Variants in RBM26 observed in about 807,000 individuals in gnomAD.
RBM26 encodes RNA-binding protein 26.
A neutral mutation model predicts 123.6 loss-of-function variants in RBM26; 30 were observed. That is an observed-to-expected ratio of 0.24 (90% CI 0.18 to 0.33). The LOEUF (loss-of-function observed/expected upper bound fraction) is 0.33, where lower values mean the gene tolerates loss of function less well. Among genes scored for constraint, RBM26 ranks in the 10% least tolerant of loss-of-function variants. The probability of loss-of-function intolerance (pLI) is 1.00; values close to 1 mark genes in which losing one functional copy is unlikely to be tolerated. For missense variants in RBM26, 947 were observed against 1,203.6 expected, an observed-to-expected ratio of 0.79 and a Z score of 3.15; for synonymous variants, 400 against 404.4, an observed-to-expected ratio of 0.99 and a Z score of 0.13.
At chr13:79,324,351 C>T (rs1593905586) in intron 20 of RBM26, among the ~76,000 whole-genome samples, 1 of 151,726 alleles carries the variant, frequency 6.6e-6, no homozygotes, top group East Asian at 1.9e-4. Context: ...CTTGAATGGC[C>T]ATATATATTA....
In RBM26 at chr13:79,329,336, C is replaced by CAT. The variant is rs757585478; in HGVS notation, c.2820+5006_2820+5007dup. 1.6e-3 allele frequency among the ~76,000 whole-genome samples: 235 copies of CAT among 151,208 alleles called. 1 individual carries two copies. Among genetic ancestry groups the CAT allele is most frequent in the South Asian group, 2.3e-3 (11 of 4,768 alleles). On this transcript the variant is annotated intron_variant, in intron 20 of 21. Coordinates refer to ENST00000438737, the MANE Select transcript of RBM26 (RefSeq NM_001366735.2). ...ATACATGTGTATATATGTGCATATA[C>CAT]ATATATATATATGTATGTTTTTTTT...
chr13:79,322,417 C>A lies in RBM26; in HGVS notation c.2866G>T (p.Ala956Ser). Residue 956 changes from alanine (A) to serine (S), a missense_variant, in exon 21 of 22, where the codon GCA (alanine) becomes TCA (serine). Ala to Ser is a moderately conservative substitution (Grantham distance 99). Transcript: ENST00000438737. Reference protein sequence around the residue: ...ARFKGQDLKLAWNKPVTNISA... With the variant: ...ARFKGQDLKLSWNKPVTNISA... The stretch of plus-strand genomic sequence containing the variant: ...ATATTAGTTACTGGTTTATTCCATG[C>A]CAGTTTTAGATCTTGCCCTTTGAAA... The A allele has an allele frequency of 1.3e-6, 2 of 1,581,454 alleles. No homozygotes were observed. The highest frequency in any genetic ancestry group is 1.2e-5 in the South Asian group (1 of 85,218).
At chr13:79,347,816 T>A (rs201484074) in intron 14 of RBM26, among the ~76,000 whole-genome samples, 1 of 149,062 alleles carries the variant, frequency 6.7e-6, no homozygotes. Flanking sequence ...CTAAAAAAAA[T>A]AAAAGTGATG....
At chr13:79,327,576 G>C (rs1258081254) in intron 20 of RBM26, among the ~76,000 whole-genome samples, 2 of 151,968 alleles carry the variant, frequency 1.3e-5, no homozygotes, top group African/African-American at 2.4e-5. Context: ...AAACCCAAGA[G>C]AGCAAAATTA....
chr13:79,339,438 T>C (rs2139031966), intron 18 of RBM26, among the ~76,000 whole-genome samples: 1 of 152,178 alleles, frequency 6.6e-6, no homozygotes, highest in Middle Eastern at 3.4e-3. Context: ...ATCAAAAAAA[T>C]CACAAGTATG....
chr13:79,365,924 T>C, intron 8 of RBM26, 131 bp downstream of exon 8: 1 of 992,380 alleles, frequency 1.0e-6, no homozygotes, highest in Non-Finnish European at 1.5e-6. Context: ...GCTTATTTAA[T>C]GTTCATTCAC....
chr13:79,325,938 TA>T (rs1429466492), intron 20 of RBM26, among the ~76,000 whole-genome samples: 4 of 152,196 alleles, frequency 2.6e-5, no homozygotes, highest in Non-Finnish European at 4.4e-5. Flanking sequence ...TATGTTTGCC[TA>T]CACAAATACT....
chr13:79,313,773 C>T (rs1050755325), exon 5 of RBM26: 1 of 150,672 alleles, frequency 6.6e-6, no homozygotes, highest in African/African-American at 2.4e-5. Flanking sequence ...AGTTAATTTA[C>T]ATTATGACTG....
At chr13:79,393,036 C>G (rs2078239420) in intron 1 of RBM26, among the ~76,000 whole-genome samples, 1 of 152,114 alleles carries the variant, frequency 6.6e-6, no homozygotes, top group Admixed American at 6.5e-5. Context: ...AGTCTACAGC[C>G]ACTCATCAAC....
chr13:79,372,510 TAAGC>T (rs987683093), intron 3 of RBM26, among the ~76,000 whole-genome samples: 11 of 151,378 alleles, frequency 7.3e-5, no homozygotes, highest in African/African-American at 2.7e-4. Context: ...GAAAACATTT[TAAGC>T]AAGTATGCTC....
chr13:79,377,295 CAAAGAT>C, intron 3 of RBM26, 78 bp downstream of exon 3: 1 of 1,243,726 alleles, frequency 8.0e-7, no homozygotes, highest in Non-Finnish European at 1.2e-6. Flanking sequence ...GACTCCAACA[CAAAGAT>C]ATAGAAGATA....
chr13:79,403,338 CATA>C (rs1490014023), intron 1 of RBM26, among the ~76,000 whole-genome samples: 1 of 152,150 alleles, frequency 6.6e-6, no homozygotes, highest in Non-Finnish European at 1.5e-5. Flanking sequence ...TTTATTACAA[CATA>C]ATGACTGCAG....
chr13:79,326,608 C>G (rs1021030310), intron 20 of RBM26, among the ~76,000 whole-genome samples: 1 of 152,094 alleles, frequency 6.6e-6, no homozygotes, highest in African/African-American at 2.4e-5. Flanking sequence ...TTAAACAAAT[C>G]ATTTCTACAA....
chr13:79,369,765 A>G (rs962965931), intron 5 of RBM26, among the ~76,000 whole-genome samples: 5 of 152,236 alleles, frequency 3.3e-5, no homozygotes, highest in African/African-American at 1.2e-4. Flanking sequence ...ATCTGAAATA[A>G]AACTTTTTAA....
intron 3 of RBM26, among the ~76,000 whole-genome samples, chr13:79,375,614 C>A (rs887665540): frequency 1.3e-5 from 2 of 152,044 alleles, no homozygotes; most frequent in African/African-American, 4.8e-5. Context: ...CTAACAGAAC[C>A]CTTATACTGT....
chr13:79,366,220 T>C (rs747389798), intron 7 of RBM26, 25 bp from the exon 8 acceptor site: 1 of 1,601,108 alleles, frequency 6.2e-7, no homozygotes, highest in East Asian at 2.2e-5. Context: ...GAATAAGAAA[T>C]ATCATCTGAA....
intron 1 of RBM26, 151 bp downstream of exon 1, chr13:79,405,553 G>A (rs986425541): frequency 1.6e-5 from 7 of 435,530 alleles, no homozygotes; most frequent in African/African-American, 8.2e-5. Context: ...ATCTGGAAGC[G>A]AGGTGGACGA....
At chr13:79,329,881 C>T (rs1246449048) in intron 20 of RBM26, among the ~76,000 whole-genome samples, 2 of 151,998 alleles carry the variant, frequency 1.3e-5, no homozygotes, top group African/African-American at 2.4e-5. Flanking sequence ...TTCGAAGAGC[C>T]AACCTACGTT....
intron 1 of RBM26, among the ~76,000 whole-genome samples, chr13:79,391,919 A>C (rs2078031055): frequency 6.7e-6 from 1 of 148,542 alleles, no homozygotes; most frequent in Non-Finnish European, 1.5e-5. Flanking sequence ...AAAATATATA[A>C]TACGTAACAC....
Sources: gnomAD v4.1 joint callset for allele counts (sites outside exome capture counted in the v4.1 genomes callset) on GRCh38, gnomAD v4.1.1 for gene constraint, MANE v1.5 for transcripts, NCBI Gene and HGNC (gene_info 2026-07-23, HGNC 2026-07-21) for gene names.